BRINP2: variants seen among roughly 807,000 people sequenced by gnomAD.
BRINP2 encodes the protein BMP/retinoic acid inducible neural specific 2.
In BRINP2, 21 loss-of-function variants were observed where a neutral mutation model predicts 69.2. The ratio of observed to expected loss-of-function variants is 0.30; its 90% CI spans 0.22 to 0.44. BRINP2 has a LOEUF of 0.44. Among genes scored for constraint, BRINP2 ranks in the 20% least tolerant of loss-of-function variants. The probability of loss-of-function intolerance (pLI) is 1.00; values close to 1 mark genes in which losing one functional copy is unlikely to be tolerated. For synonymous variants in BRINP2, 380 were observed against 394.1 expected (o/e 0.96, Z 0.42); for missense variants, 877 against 986.0 (o/e 0.89, Z 1.48).
intron 2 of BRINP2, among the ~76,000 whole-genome samples, chr1:177,234,560 C>CA (rs1228843092): frequency 1.3e-5 from 2 of 151,820 alleles, no homozygotes; most frequent in African/African-American, 4.8e-5. Flanking sequence ...TGGGATTGGA[C>CA]AAAATCCAAG....
At chr1:177,208,112 A>T (rs1037943245) in intron 1 of BRINP2, among the ~76,000 whole-genome samples, 2 of 152,200 alleles carry the variant, frequency 1.3e-5, no homozygotes, top group African/African-American at 2.4e-5. Context: ...CATAAAAAGA[A>T]TCTAACAGTA....
At position 177,255,979 on chromosome 1, in the gene BRINP2, G is replaced by T; in HGVS notation, c.330G>T (p.Leu110Phe). Residue 110 changes from leucine (L) to phenylalanine (F), a missense_variant, in exon 3 of 8, where the codon TTG becomes TTT. This residue lies in a region of BRINP2 where 566 missense variants were observed against 625.2 expected (regional missense o/e 0.91). Transcript: ENST00000361539. ...LALERKDFFS[L>F]PLPLAPEFIR... ...TGGAAAGGAAGGACTTCTTCAGTTT[G>T]CCATTGCCTCTTGCCCCAGAGTTTA... 6.2e-7 allele frequency: 1 copy of T among 1,614,216 alleles called. No individual in the cohort carries two copies. The highest frequency in any genetic ancestry group is 8.5e-7 in the Non-Finnish European group (1 of 1,180,038).
At chr1:177,232,654 A>T (rs1319398204) in intron 2 of BRINP2, among the ~76,000 whole-genome samples, 1 of 152,064 alleles carries the variant, frequency 6.6e-6, no homozygotes, top group East Asian at 1.9e-4. Context: ...CTTTGTTTCT[A>T]GTGGCAATTT....
rs1378139065 is a variant in BRINP2, at chr1:177,171,726, A to T, written c.-83A>T. On this transcript the variant is annotated 5_prime_UTR_variant, in exon 1 of 8. Coordinates refer to ENST00000361539, the MANE Select transcript of BRINP2 (RefSeq NM_021165.4). Reference sequence around the variant, plus strand: ...TACAGCAAGGAGGGCTCTTGCAAGGATTCAAGGTAACAGTGCAGGGTTTCG... The same window carrying T: ...TACAGCAAGGAGGGCTCTTGCAAGGTTTCAAGGTAACAGTGCAGGGTTTCG... 1.3e-5 allele frequency: 2 copies of T among 152,258 alleles called. No individual in the cohort carries two copies. The highest frequency in any genetic ancestry group is 3.9e-4 in the East Asian group (2 of 5,172). The allele number at this position is 152,258 out of a possible 1,614,324, so 9.4% of individuals were successfully genotyped here.
intron 2 of BRINP2, among the ~76,000 whole-genome samples, chr1:177,255,662 T>C (rs1008359710): frequency 6.6e-6 from 1 of 152,256 alleles, no homozygotes. Context: ...AATCAACTAC[T>C]GTCTGATGAG....
chr1:177,200,547 C>T (rs1162241951), intron 1 of BRINP2, among the ~76,000 whole-genome samples: 1 of 152,014 alleles, frequency 6.6e-6, no homozygotes, highest in African/African-American at 2.4e-5. Flanking sequence ...AAGCAGGCTC[C>T]TCCTACCTGT....
chr1:177,209,845 A>T (rs1443460520), intron 1 of BRINP2, among the ~76,000 whole-genome samples: 1 of 152,240 alleles, frequency 6.6e-6, no homozygotes, highest in Admixed American at 6.5e-5. Flanking sequence ...TTATGATTAT[A>T]AAAATAATTC....
intron 4 of BRINP2, among the ~76,000 whole-genome samples, chr1:177,272,140 T>C (rs529789930): frequency 1.3e-5 from 2 of 152,322 alleles, no homozygotes; most frequent in Non-Finnish European, 2.9e-5. Flanking sequence ...TCTTCCCACC[T>C]GTCCACTCCC....
intron 3 of BRINP2, 62 bp from the exon 4 acceptor site, chr1:177,257,114 C>T: frequency 6.2e-7 from 1 of 1,602,246 alleles, no homozygotes; most frequent in African/African-American, 1.3e-5. Context: ...GTTTTATGTT[C>T]CTATTGGTAG....
chr1:177,250,502 T>A (rs1193327812), intron 2 of BRINP2, among the ~76,000 whole-genome samples: 4 of 152,202 alleles, frequency 2.6e-5, no homozygotes, highest in Non-Finnish European at 5.9e-5. Flanking sequence ...AATTTTTGTA[T>A]TTTTAGTAGA....
At chr1:177,213,777 T>G (rs916292280) in intron 1 of BRINP2, among the ~76,000 whole-genome samples, 1 of 152,178 alleles carries the variant, frequency 6.6e-6, no homozygotes, top group South Asian at 2.1e-4. Flanking sequence ...TCAAAAAAAC[T>G]AAATCATTAC....
intron 2 of BRINP2, among the ~76,000 whole-genome samples, chr1:177,235,553 G>A (rs754904559): frequency 6.6e-6 from 1 of 152,198 alleles, no homozygotes; most frequent in Non-Finnish European, 1.5e-5. Context: ...ATGGGGAAGT[G>A]AGGAGGCAGA....
intron 1 of BRINP2, among the ~76,000 whole-genome samples, chr1:177,208,969 T>C (rs952773489): frequency 2.0e-5 from 3 of 152,208 alleles, no homozygotes; most frequent in African/African-American, 4.8e-5. Flanking sequence ...CTTTATTCCC[T>C]GCACCTTTAC....
intron 4 of BRINP2, among the ~76,000 whole-genome samples, chr1:177,272,315 G>C (rs1651352346): frequency 6.6e-6 from 1 of 152,326 alleles, no homozygotes; most frequent in Non-Finnish European, 1.5e-5. Flanking sequence ...GCCCCACAGG[G>C]TGTGATCTCC....
intron 2 of BRINP2, among the ~76,000 whole-genome samples, chr1:177,232,452 AC>A (rs1372231256): frequency 6.6e-6 from 1 of 152,152 alleles, no homozygotes; most frequent in Non-Finnish European, 1.5e-5. Context: ...GGAAACAGTA[AC>A]CAGTCATTCT....
chr1:177,186,411 C>T lies in BRINP2; in HGVS notation c.-77+14679C>T, dbSNP rs184576685. ...TGCAATTTTTTGCTACTGAAAGTAA[C>T]GGCAAAAACTGCAATTACTTTTGCA... On this transcript the variant is annotated intron_variant, in intron 1 of 7. Coordinates refer to ENST00000361539, the MANE Select transcript of BRINP2 (RefSeq NM_021165.4). Among the ~76,000 whole-genome samples, 140 of 152,064 alleles carry T rather than the reference C, an allele frequency of 9.2e-4. 2 individuals carry two copies. The highest frequency in any genetic ancestry group is 4.4e-4 in the Non-Finnish European group (30 of 67,934).
intron 2 of BRINP2, among the ~76,000 whole-genome samples, chr1:177,242,685 C>A (rs1228055628): frequency 6.6e-6 from 1 of 152,178 alleles, no homozygotes; most frequent in Non-Finnish European, 1.5e-5. Context: ...TTTCTCTTTG[C>A]TCTTCACTAG....
At chr1:177,250,552 C>G (rs1272117818) in intron 2 of BRINP2, among the ~76,000 whole-genome samples, 1 of 152,228 alleles carries the variant, frequency 6.6e-6, no homozygotes, top group East Asian at 1.9e-4. Flanking sequence ...GTCTCGAACT[C>G]CTGACCTCGT....
intron 4 of BRINP2, among the ~76,000 whole-genome samples, chr1:177,262,511 G>GAAA (rs55853632): frequency 7.1e-6 from 1 of 140,928 alleles, no homozygotes; most frequent in Non-Finnish European, 1.5e-5. Context: ...CCTCTGTCTG[G>GAAA]AAAAAAAAAA....
Sources: allele counts gnomAD v4.1 joint callset (sites outside exome capture counted in the v4.1 genomes callset), GRCh38; gene constraint gnomAD v4.1.1; regional missense constraint gnomAD v4.1.1; transcripts MANE v1.5; gene names NCBI Gene and HGNC (gene_info 2026-07-23, HGNC 2026-07-21).